Variants in TAFA5 observed in about 807,000 individuals in gnomAD.
TAFA5 encodes TAFA chemokine like family member 5.
TAFA5 carries 6 observed loss-of-function variants against 15.3 expected under a neutral mutation model. That is an observed-to-expected ratio of 0.39 (90% confidence interval 0.21 to 0.77). The LOEUF is 0.77. TAFA5 is among the 30% of genes least tolerant of loss of function. The pLI is 0.41. For synonymous variants in TAFA5, 103 were observed against 80.7 expected, an observed-to-expected ratio of 1.28 and a Z score of -1.48; for missense variants, 161 against 193.1, an observed-to-expected ratio of 0.83 and a Z score of 0.98.
chr22:48,542,660 T>TGTGGTGTGTGTGTGG, intron 1 of TAFA5, among the ~76,000 whole-genome samples: 1 of 127,580 alleles, frequency 7.8e-6, no homozygotes, highest in Non-Finnish European at 1.7e-5. Context: ...GGTGTGTGTG[T>TGTGGTGTGTGTGTGG]GGTGTGTGTG....
chr22:48,564,171 G>A (rs778495540), intron 1 of TAFA5, among the ~76,000 whole-genome samples: 2 of 152,196 alleles, frequency 1.3e-5, no homozygotes, highest in Admixed American at 6.5e-5. Flanking sequence ...CTGTGAAAAC[G>A]GAGGAAGACA....
At chr22:48,538,838 CT>C in intron 1 of TAFA5, 1 of 155,054 alleles carries the variant, frequency 6.4e-6, no homozygotes, top group Non-Finnish European at 1.4e-5. Flanking sequence ...AGCTTGTCTC[CT>C]TCCACCCTGG....
At chr22:48,626,737 A>G (rs1926037606) in intron 1 of TAFA5, among the ~76,000 whole-genome samples, 1 of 152,226 alleles carries the variant, frequency 6.6e-6, no homozygotes, top group Non-Finnish European at 1.5e-5. Flanking sequence ...TATGCATTTG[A>G]TGCTTATCTA....
chr22:48,599,304 C>T (rs1924877681), intron 1 of TAFA5, among the ~76,000 whole-genome samples: 1 of 152,212 alleles, frequency 6.6e-6, no homozygotes, highest in Non-Finnish European at 1.5e-5. Context: ...CCCTGGCCTT[C>T]AGTCCGCTCC....
intron 1 of TAFA5, among the ~76,000 whole-genome samples, chr22:48,604,155 A>G (rs554312040): frequency 2.0e-5 from 3 of 152,306 alleles, no homozygotes; most frequent in African/African-American, 7.2e-5. Context: ...AGGGGCATTG[A>G]CGTGCCCAGC....
At chr22:48,701,939 C>T (rs1300043220) in intron 2 of TAFA5, among the ~76,000 whole-genome samples, 1 of 152,140 alleles carries the variant, frequency 6.6e-6, no homozygotes, top group Non-Finnish European at 1.5e-5. Context: ...GACTGGGGGG[C>T]CTTGGAGCGG....
At chr22:48,609,438 T>C (rs1925317789) in intron 1 of TAFA5, among the ~76,000 whole-genome samples, 1 of 152,138 alleles carries the variant, frequency 6.6e-6, no homozygotes, top group Non-Finnish European at 1.5e-5. Flanking sequence ...GTCTGTGGTG[T>C]GAGACCTGTG....
chr22:48,603,623 G>T (rs1428202847), intron 1 of TAFA5, among the ~76,000 whole-genome samples: 1 of 152,200 alleles, frequency 6.6e-6, no homozygotes, highest in Non-Finnish European at 1.5e-5. Flanking sequence ...CACTGCCCTG[G>T]CCCTGCGCTG....
At position 48,730,310 on chromosome 22, in the gene TAFA5, C is replaced by T. The variant is rs183334182; in HGVS notation, c.391-19529C>T. Among the ~76,000 whole-genome samples the T allele has an allele frequency of 2.1e-3, 312 of 151,928 alleles. 1 individual carries two copies. In the Middle Eastern group the frequency reaches 0.037, roughly 18 times the overall value. On this transcript the variant is annotated intron_variant, in intron 3 of 3. Transcript: ENST00000402357. ...CTGAGGCAGGGGAATCGCTTGAACCCGGGAGGTGGAGGTTACAGTGAGCCG... is the reference window on the plus strand; with the variant it reads ...CTGAGGCAGGGGAATCGCTTGAACCTGGGAGGTGGAGGTTACAGTGAGCCG...
chr22:48,528,749 C>T (rs1921864208), intron 1 of TAFA5, among the ~76,000 whole-genome samples: 1 of 152,226 alleles, frequency 6.6e-6, no homozygotes, highest in Non-Finnish European at 1.5e-5. Context: ...CTCAAGTGTG[C>T]GTGCAGGGCC....
At chr22:48,571,129 T>C (rs1923566562) in intron 1 of TAFA5, among the ~76,000 whole-genome samples, 1 of 152,184 alleles carries the variant, frequency 6.6e-6, no homozygotes, top group Non-Finnish European at 1.5e-5. Context: ...TTTAGCTGGG[T>C]ATAAAATTCT....
intron 1 of TAFA5, among the ~76,000 whole-genome samples, chr22:48,613,671 T>C (rs942304590): frequency 2.6e-5 from 4 of 152,206 alleles, no homozygotes; most frequent in African/African-American, 9.6e-5. Context: ...CAGTCCGCAG[T>C]GTGATCTTGG....
At chr22:48,703,060 C>T (rs1185106747) in intron 2 of TAFA5, among the ~76,000 whole-genome samples, 4 of 152,160 alleles carry the variant, frequency 2.6e-5, no homozygotes, top group Non-Finnish European at 4.4e-5. Flanking sequence ...TGTGTGTGTG[C>T]ATGCATGTGT....
chr22:48,603,155 G>T (rs1925035983), intron 1 of TAFA5, among the ~76,000 whole-genome samples: 1 of 152,210 alleles, frequency 6.6e-6, no homozygotes, highest in Non-Finnish European at 1.5e-5. Flanking sequence ...TTGTAGACAG[G>T]GTCGCCCCGG....
intron 1 of TAFA5, among the ~76,000 whole-genome samples, chr22:48,555,505 G>A (rs779922087): frequency 9.9e-5 from 15 of 152,216 alleles, no homozygotes; most frequent in Non-Finnish European, 2.1e-4. Context: ...GTCTCCAAGC[G>A]TGTCTGTGTC....
chr22:48,597,302 C>T (rs1033516565), intron 1 of TAFA5, among the ~76,000 whole-genome samples: 6 of 151,942 alleles, frequency 3.9e-5, no homozygotes, highest in Admixed American at 3.9e-4. Flanking sequence ...CCTGCTGTTC[C>T]CCTCTCTACC....
chr22:48,695,245 C>T (rs1928674102), intron 2 of TAFA5, among the ~76,000 whole-genome samples: 1 of 152,120 alleles, frequency 6.6e-6, no homozygotes, highest in Non-Finnish European at 1.5e-5. Context: ...TGATTGAATC[C>T]TCCATCACCA....
intron 2 of TAFA5, among the ~76,000 whole-genome samples, chr22:48,700,502 G>C (rs130128): frequency 0.62 from 93,895 of 152,034 alleles, 29,784 homozygotes; most frequent in African/African-American, 0.77. Flanking sequence ...AAAGCCAGTA[G>C]AGTCTTAAGG....
In TAFA5 at chr22:48,490,173, G is replaced by T. The variant is rs1266835372; in HGVS notation, c.112+469G>T. Among the ~76,000 whole-genome samples, 2 of 152,150 alleles carry T rather than the reference G, an allele frequency of 1.3e-5. No individual in the cohort carries two copies. The highest frequency in any genetic ancestry group is 1.3e-4 in the Admixed American group (2 of 15,280). ...GCCCGGAGAGGAGCTCTTCAGGCAG[G>T]AGCCCAGCCTGGGCTCGGAGGAGCA... On this transcript the variant is annotated intron_variant, in intron 1 of 3. Coordinates refer to ENST00000402357, the MANE Select transcript of TAFA5 (RefSeq NM_001082967.3). The surrounding 1 kb of genome is among the most constrained non-coding windows in gnomAD (Gnocchi z 5.8).
Sources: gnomAD v4.1 joint callset for allele counts (sites outside exome capture counted in the v4.1 genomes callset) on GRCh38, gnomAD v4.1.1 for gene constraint, Gnocchi (gnomAD v3.1) non-coding constraint, MANE v1.5 for transcripts, NCBI Gene and HGNC (gene_info 2026-07-23, HGNC 2026-07-21) for gene names.